Variants in DISC1 observed in about 807,000 individuals in gnomAD.
DISC1 encodes DISC1 scaffold protein.
DISC1 carries 57 observed loss-of-function variants against 84.5 expected under a neutral mutation model. The ratio of observed to expected loss-of-function variants is 0.67; its 90% CI spans 0.55 to 0.84. The LOEUF is 0.84. Among genes scored for constraint, DISC1 ranks in the 40% least tolerant of loss-of-function variants. The pLI, the probability that DISC1 is intolerant of heterozygous loss-of-function variation, is 0.00. For synonymous variants in DISC1, 411 were observed against 415.2 expected (o/e 0.99, Z 0.12); for missense variants, 1,000 against 1,057.8 (o/e 0.95, Z 0.76).
intron 1 of DISC1, among the ~76,000 whole-genome samples, chr1:231,681,034 A>G (rs931516244): frequency 6.6e-6 from 1 of 152,220 alleles, no homozygotes; most frequent in Admixed American, 6.5e-5. Context: ...TGGTTCATCC[A>G]TATTTTATTA....
chr1:231,654,113 C>T (rs1013065039), intron 1 of DISC1, among the ~76,000 whole-genome samples: 10 of 152,190 alleles, frequency 6.6e-5, no homozygotes, highest in African/African-American at 9.7e-5. Context: ...TTCCTTCTTG[C>T]ACTTTATTCT....
At chr1:231,749,429 A>G (rs1281465246) in intron 3 of DISC1, among the ~76,000 whole-genome samples, 5 of 152,234 alleles carry the variant, frequency 3.3e-5, no homozygotes, top group African/African-American at 1.2e-4. Flanking sequence ...AGAAGTGGAT[A>G]TATAGTCATC....
chr1:231,941,126 T>C (rs1432972851), intron 9 of DISC1: 2 of 152,236 alleles, frequency 1.3e-5, no homozygotes, highest in Non-Finnish European at 2.9e-5. Context: ...GGATTTGGTA[T>C]GGCAGCCTTC....
chr1:231,925,228 T>C (rs574167440), intron 9 of DISC1, among the ~76,000 whole-genome samples: 4 of 152,332 alleles, frequency 2.6e-5, no homozygotes, highest in Admixed American at 2.6e-4. Flanking sequence ...TGCTCACTGC[T>C]TGCATGATCT....
chr1:231,702,925 G>T (rs189449086), intron 3 of DISC1, among the ~76,000 whole-genome samples: 123 of 152,308 alleles, frequency 8.1e-4, no homozygotes, highest in Non-Finnish European at 1.6e-3. Flanking sequence ...TATTGAGCAA[G>T]TTAGGACACC....
At chr1:231,778,036 A>G (rs1032692956) in intron 6 of DISC1, among the ~76,000 whole-genome samples, 2 of 152,176 alleles carry the variant, frequency 1.3e-5, no homozygotes, top group African/African-American at 4.8e-5. Context: ...CCAGCCCAGC[A>G]GAGCCGTGGG....
intron 1 of DISC1, among the ~76,000 whole-genome samples, chr1:231,641,621 C>G (rs183728345): frequency 3.9e-5 from 6 of 152,240 alleles, no homozygotes; most frequent in South Asian, 2.1e-4. Context: ...TGCTTTTATT[C>G]TCTTATCTGG....
At chr1:231,948,887 G>A (rs1382009935) in intron 9 of DISC1, among the ~76,000 whole-genome samples, 1 of 38,348 alleles carries the variant, frequency 2.6e-5, no homozygotes, top group African/African-American at 9.5e-5. Context: ...TTTTTTTTTT[G>A]AGACAGAGTC....
intron 1 of DISC1, among the ~76,000 whole-genome samples, chr1:231,642,485 G>A (rs190226628): frequency 6.6e-6 from 1 of 152,376 alleles, no homozygotes; most frequent in Admixed American, 6.5e-5. Context: ...TATCTCTAGT[G>A]CTGCTGGCGA....
intron 3 of DISC1, among the ~76,000 whole-genome samples, chr1:231,718,945 G>C (rs1194891155): frequency 6.6e-6 from 1 of 152,114 alleles, no homozygotes; most frequent in African/African-American, 2.4e-5. Flanking sequence ...GACCAGCCTG[G>C]GCAAATAGCA....
intron 9 of DISC1, among the ~76,000 whole-genome samples, chr1:231,833,873 T>C (rs1398909243): frequency 6.6e-6 from 1 of 152,168 alleles, no homozygotes; most frequent in East Asian, 1.9e-4. Context: ...AGTCCTGTTG[T>C]GGGGTTTGAG....
At chr1:231,668,635 TCAGCAGACTTCTGTCC>T (rs372196697) in intron 1 of DISC1, among the ~76,000 whole-genome samples, 2 of 152,318 alleles carry the variant, frequency 1.3e-5, no homozygotes, top group East Asian at 3.9e-4. Context: ...AAGACAGAGC[TCAGCAGACTTCTGTCC>T]CAAAATCTTT....
intron 3 of DISC1, chr1:231,722,954 A>G: frequency 8.3e-7 from 1 of 1,211,786 alleles, no homozygotes. Flanking sequence ...ATGGAAAAAT[A>G]TGCTATGATT....
At chr1:231,812,277 C>T (rs1280116734) in intron 8 of DISC1, among the ~76,000 whole-genome samples, 2 of 152,014 alleles carry the variant, frequency 1.3e-5, no homozygotes, top group Non-Finnish European at 2.9e-5. Context: ...AGGCTGGTCT[C>T]CAACTCCTCA....
At chr1:231,962,866 C>T (rs1660573951) in intron 10 of DISC1, among the ~76,000 whole-genome samples, 1 of 152,190 alleles carries the variant, frequency 6.6e-6, no homozygotes, top group African/African-American at 2.4e-5. Flanking sequence ...GCACCATGGG[C>T]TCATGCTGGC....
Position 231,818,376 on chromosome 1 carries a change from T to C in DISC1, c.1840T>C (p.Leu614=). 4 of 1,614,086 alleles carry C rather than the reference T, an allele frequency of 2.5e-6. No homozygotes were observed. The highest frequency in any genetic ancestry group is 3.4e-6 in the Non-Finnish European group (4 of 1,179,978). ...AKDLTEEIRS[L]TSEREGLEGL... ...AGACCTCACCGAGGAGATTAGATCA[T>C]TAACATCAGAGAGAGAAGGGCTGGA... is the stretch of plus-strand genomic sequence containing the variant. The change falls in exon 9 of 13, where the codon TTA becomes CTA. Residue 614 remains leucine, a synonymous_variant. Coordinates refer to ENST00000439617, the MANE Select transcript of DISC1 (RefSeq NM_018662.3).
At chr1:232,033,973 A>G (rs867519215) in intron 12 of DISC1, among the ~76,000 whole-genome samples, 2 of 152,060 alleles carry the variant, frequency 1.3e-5, no homozygotes, top group Admixed American at 6.6e-5. Context: ...TTCCATATAA[A>G]TTATTCTACA....
At chr1:231,729,343 T>G (rs2071207529) in intron 3 of DISC1, among the ~76,000 whole-genome samples, 1 of 152,236 alleles carries the variant, frequency 6.6e-6, no homozygotes, top group Non-Finnish European at 1.5e-5. Context: ...TTATAATCCT[T>G]TGGGTATATA....
intron 9 of DISC1, among the ~76,000 whole-genome samples, chr1:231,927,368 G>C (rs554916940): frequency 6.6e-6 from 1 of 152,322 alleles, no homozygotes; most frequent in East Asian, 1.9e-4. Context: ...TGCATAGCCT[G>C]ATGCTTCAAC....
Sources: gnomAD v4.1 joint callset for allele counts (sites outside exome capture counted in the v4.1 genomes callset) on GRCh38, gnomAD v4.1.1 for gene constraint, MANE v1.5 for transcripts, NCBI Gene and HGNC (gene_info 2026-07-23, HGNC 2026-07-21) for gene names.